RGS2: variants seen among roughly 807,000 people sequenced by gnomAD.
RGS2 encodes G0 to G1 switch regulatory 8, 24kD.
In RGS2, 20 loss-of-function variants were observed where a neutral mutation model predicts 26.6. The ratio of observed to expected loss-of-function variants is 0.75; its 90% CI spans 0.53 to 1.09. The LOEUF (loss-of-function observed/expected upper bound fraction) is 1.09, where lower values mean the gene tolerates loss of function less well. Among genes scored for constraint, RGS2 ranks in the 50% least tolerant of loss-of-function variants. The probability of loss-of-function intolerance (pLI) is 0.00; values close to 1 mark genes in which losing one functional copy is unlikely to be tolerated. For synonymous variants in RGS2, 97 were observed against 79.9 expected, an observed-to-expected ratio of 1.21 and a Z score of -1.14; for missense variants, 246 against 245.5, an observed-to-expected ratio of 1.00 and a Z score of -0.01.
chr1:192,811,818 GGGAATAGGT>G lies in RGS2; in HGVS notation c.*225_*233del. The G allele has an allele frequency of 1.7e-6, 1 of 579,064 alleles. No homozygotes were observed. Among genetic ancestry groups the G allele is most frequent in the Admixed American group, 3.0e-5 (1 of 33,568 alleles). 35.9% of individuals were successfully genotyped at this position (579,064 alleles called of 1,614,324 possible). A position where few individuals can be genotyped will look rare whatever the true frequency, so the allele number is the denominator to read the frequency against. ...CCTCACTGTGTACAGAACGCAAGAAGGGAATAGGTGGTCTGAACGTGGTGTCTCACTCTG... is the reference window on the plus strand; with the variant it reads ...CCTCACTGTGTACAGAACGCAAGAAGGGTCTGAACGTGGTGTCTCACTCTG... On this transcript the variant is annotated 3_prime_UTR_variant, in exon 5 of 5. Coordinates refer to ENST00000235382, the MANE Select transcript of RGS2 (RefSeq NM_002923.4).
intron 1 of RGS2, 112 bp downstream of exon 1, chr1:192,809,293 A>AG: frequency 1.2e-6 from 1 of 803,886 alleles, no homozygotes; most frequent in South Asian, 1.4e-5. Flanking sequence ...GAGCCTATGC[A>AG]GGGAAAAAAA....
At chr1:192,810,025 C>A in intron 1 of RGS2, 141 bp from the exon 2 acceptor site, 2 of 672,780 alleles carry the variant, frequency 3.0e-6, no homozygotes, top group Non-Finnish European at 5.3e-6. Flanking sequence ...GTGGATAAGA[C>A]TTATTTGAAG....
chr1:192,809,657 A>G (rs902088015), intron 1 of RGS2: 3 of 295,068 alleles, frequency 1.0e-5, no homozygotes, highest in Non-Finnish European at 2.0e-5. Context: ...TCTGCTTAAA[A>G]GAAGTGTCGT....
At chr1:192,810,675 A>C (rs1437222019) in intron 3 of RGS2, 3 of 616,586 alleles carry the variant, frequency 4.9e-6, no homozygotes, top group African/African-American at 1.8e-5. Context: ...AGGTTGAGTC[A>C]GTTTTTCCAT....
At chr1:192,811,201 G>A in intron 4 of RGS2, 54 bp downstream of exon 4, 2 of 1,584,070 alleles carry the variant, frequency 1.3e-6, no homozygotes, top group Non-Finnish European at 1.7e-6. Context: ...TAGCACAAAA[G>A]TGAAACAAAG....
rs771326503 is a variant in RGS2 at position 192,810,152 on chromosome 1, A to T, written c.111-14A>T. ...TTGCTAGTTAGTAATTATCTTTTTA[A>T]TTTTTTGTTTTAGTTTAAAAGATTG... On this transcript the variant is annotated splice_polypyrimidine_tract_variant and intron_variant, in intron 1 of 4. Coordinates refer to ENST00000235382, the MANE Select transcript of RGS2 (RefSeq NM_002923.4). 5.9e-6 allele frequency: 9 copies of T among 1,513,696 alleles called. No individual in the cohort carries two copies. Among genetic ancestry groups the T allele is most frequent in the Non-Finnish European group, 8.3e-6 (9 of 1,088,984 alleles). The allele number at this position is 1,513,696 out of a possible 1,614,324, so 93.8% of individuals were successfully genotyped here. A position where few individuals can be genotyped will look rare whatever the true frequency, so the allele number is the denominator to read the frequency against.
intron 3 of RGS2, chr1:192,810,678 T>G: frequency 1.6e-6 from 1 of 615,798 alleles, no homozygotes; most frequent in South Asian, 2.0e-5. Context: ...TTGAGTCAGT[T>G]TTTCCATTGC....
In RGS2 at chr1:192,810,367, C is replaced by G; in HGVS notation, c.213-3C>G. The G allele has an allele frequency of 6.2e-7, 1 of 1,614,100 alleles. No homozygotes were observed. Among genetic ancestry groups the G allele is most frequent in the Non-Finnish European group, 8.5e-7 (1 of 1,179,910 alleles). ...AAGCTAACATACAGAACCTCTCTTG[C>G]AGGCCTTCTCCTGAGGAAGCACAGC... On this transcript the variant is annotated splice_polypyrimidine_tract_variant and splice_region_variant and intron_variant, in intron 2 of 4. Transcript: ENST00000235382.
At chr1:192,810,099 C>T in intron 1 of RGS2, 67 bp from the exon 2 acceptor site, 1 of 994,272 alleles carries the variant, frequency 1.0e-6, no homozygotes, top group Non-Finnish European at 1.6e-6. Flanking sequence ...GGTAAAAATG[C>T]GTTCAGCTGC....
At position 192,812,078 on chromosome 1, in the gene RGS2, C is replaced by T. The variant is rs1184740242; in HGVS notation, c.*482C>T. The T allele has an allele frequency of 5.2e-6, 1 of 194,052 alleles. No homozygotes were observed. Among genetic ancestry groups the T allele is most frequent in the Admixed American group, 5.4e-5 (1 of 18,514 alleles). The allele number at this position is 194,052 out of a possible 1,614,324, so 12.0% of individuals were successfully genotyped here. On this transcript the variant is annotated 3_prime_UTR_variant, in exon 5 of 5. Coordinates refer to ENST00000235382, the MANE Select transcript of RGS2 (RefSeq NM_002923.4). Reference sequence around the variant, plus strand: ...TTCTTATGACCACAGATCATCAGTACTGTTGTCTCATGTAATGCTAAAACT... The same window carrying T: ...TTCTTATGACCACAGATCATCAGTATTGTTGTCTCATGTAATGCTAAAACT...
chr1:192,810,894 A>T, intron 3 of RGS2, 87 bp from the exon 4 acceptor site: 1 of 1,338,518 alleles, frequency 7.5e-7, no homozygotes, highest in Non-Finnish European at 1.1e-6. Flanking sequence ...AGAAATAATT[A>T]AAATGTGAGG....
rs1422223212 is a variant in RGS2, at chr1:192,811,974, C to T, written c.*378C>T. On this transcript the variant is annotated 3_prime_UTR_variant, in exon 5 of 5. Coordinates refer to ENST00000235382, the MANE Select transcript of RGS2 (RefSeq NM_002923.4). Reference sequence around the variant, plus strand: ...GCTGGTTGTACATCTTTCCCTAAATCGATCCATGTTACCACATAGTAGTTT... The same window carrying T: ...GCTGGTTGTACATCTTTCCCTAAATTGATCCATGTTACCACATAGTAGTTT... The T allele has an allele frequency of 6.5e-6, 2 of 307,468 alleles. No homozygotes were observed. The highest frequency in any genetic ancestry group is 1.3e-5 in the Non-Finnish European group (2 of 156,954). The allele number at this position is 307,468 out of a possible 1,614,324, so 19.0% of individuals were successfully genotyped here.
Position 192,811,480 on chromosome 1 carries a change from C to T in RGS2, c.520C>T (p.Gln174Ter). The change falls in exon 5 of 5, where the codon CAG (glutamine) becomes TAG (stop). Residue 174 changes from glutamine to a stop codon, truncating the protein, a stop_gained. Coordinates refer to ENST00000235382, the MANE Select transcript of RGS2 (RefSeq NM_002923.4). LOFTEE classifies it high-confidence loss of function. ...EATSGCFTTA[Q>*]KRVYSLMENN... ...TACAAGTGGCTGCTTTACAACTGCC[C>T]AGAAAAGGGTATACAGCTTGATGGA... is the stretch of plus-strand genomic sequence containing the variant. 1 of 1,614,020 alleles carries T rather than the reference C, an allele frequency of 6.2e-7. No homozygotes were observed. The highest frequency in any genetic ancestry group is 8.5e-7 in the Non-Finnish European group (1 of 1,179,894).
At chr1:192,810,346 T>C (rs2102106066) in intron 2 of RGS2, 24 bp from the exon 3 acceptor site, 1 of 1,612,920 alleles carries the variant, frequency 6.2e-7, no homozygotes, top group South Asian at 1.1e-5. Flanking sequence ...GTGCGTAAGC[T>C]AACATACAGA....
At position 192,811,820 on chromosome 1, in the gene RGS2, G is replaced by T. The variant is rs1043094668; in HGVS notation, c.*224G>T. On this transcript the variant is annotated 3_prime_UTR_variant, in exon 5 of 5. Coordinates refer to ENST00000235382, the MANE Select transcript of RGS2 (RefSeq NM_002923.4). ...TCACTGTGTACAGAACGCAAGAAGGGAATAGGTGGTCTGAACGTGGTGTCT... is the reference window on the plus strand; with the variant it reads ...TCACTGTGTACAGAACGCAAGAAGGTAATAGGTGGTCTGAACGTGGTGTCT... 1.0e-5 allele frequency: 6 copies of T among 578,326 alleles called. No homozygotes were observed. In the African/African-American group the frequency reaches 1.1e-4, roughly 11 times the overall value. 35.8% of individuals were successfully genotyped at this position (578,326 alleles called of 1,614,324 possible). A position where few individuals can be genotyped will look rare whatever the true frequency, so the allele number is the denominator to read the frequency against.
intron 2 of RGS2, 41 bp downstream of exon 2, chr1:192,810,308 C>T: frequency 6.2e-7 from 1 of 1,602,326 alleles, no homozygotes; most frequent in African/African-American, 1.3e-5. Context: ...CAATAGTTAG[C>T]TGCTGAACTG....
At chr1:192,810,853 C>A in intron 3 of RGS2, 128 bp from the exon 4 acceptor site, 2 of 1,104,396 alleles carry the variant, frequency 1.8e-6, no homozygotes, top group Non-Finnish European at 2.8e-6. Flanking sequence ...TTGAGAATTA[C>A]AGGTTTGAGC....
rs368290103 is a variant in RGS2 at position 192,809,050 on chromosome 1, G to A, written c.-22G>A. The A allele has an allele frequency of 5.7e-6, 9 of 1,572,450 alleles. No homozygotes were observed. Among genetic ancestry groups the A allele is most frequent in the Non-Finnish European group, 7.0e-6 (8 of 1,141,970 alleles). ...ACGCACGCCCAGCCGCAAACAGCCGGGGCTCCAGCGGGAGAACGATAATGC... is the reference window on the plus strand; with the variant it reads ...ACGCACGCCCAGCCGCAAACAGCCGAGGCTCCAGCGGGAGAACGATAATGC... On this transcript the variant is annotated 5_prime_UTR_variant, in exon 1 of 5. Coordinates refer to ENST00000235382, the MANE Select transcript of RGS2 (RefSeq NM_002923.4).
At position 192,810,377 on chromosome 1, in the gene RGS2, C is replaced by G. The variant is rs1245193026; in HGVS notation, c.220C>G (p.Pro74Ala). ...SKQQAFIKPS[P>A]EEAQLWSEAF... Reference sequence around the variant, plus strand: ...ACAGAACCTCTCTTGCAGGCCTTCTCCTGAGGAAGCACAGCTGTGGTCAGA... The same window carrying G: ...ACAGAACCTCTCTTGCAGGCCTTCTGCTGAGGAAGCACAGCTGTGGTCAGA... Residue 74 changes from proline (P) to alanine (A), a missense_variant, in exon 3 of 5, where the codon CCT (proline) becomes GCT (alanine). Pro to Ala is a conservative substitution (Grantham distance 27, BLOSUM62 -1). Coordinates refer to ENST00000235382, the MANE Select transcript of RGS2 (RefSeq NM_002923.4). The G allele has an allele frequency of 6.2e-7, 1 of 1,614,196 alleles. No homozygotes were observed. Among genetic ancestry groups the G allele is most frequent in the South Asian group, 1.1e-5 (1 of 91,078 alleles).
Sources: allele counts gnomAD v4.1 joint callset, GRCh38; gene constraint gnomAD v4.1.1; transcripts MANE v1.5; gene names NCBI Gene and HGNC (gene_info 2026-07-23, HGNC 2026-07-21).